The following ALKBH3 variants were observed in gnomAD, a reference collection of about 807,000 sequenced individuals.
ALKBH3 encodes the protein alkB homolog 3, alpha-ketoglutarate dependent dioxygenase, also known as alpha-ketoglutarate-dependent dioxygenase alkB homolog 3.
In ALKBH3, 51 loss-of-function variants were observed where a neutral mutation model predicts 43.9. That is an observed-to-expected ratio of 1.16 (90% CI 0.93 to 1.47). The LOEUF is 1.47. ALKBH3 is among the 40% of genes most tolerant of loss of function. ALKBH3 has a pLI of 0.00. For synonymous variants in ALKBH3, 102 were observed against 115.2 expected, an observed-to-expected ratio of 0.89 and a Z score of 0.73; for missense variants, 361 against 351.9, an observed-to-expected ratio of 1.03 and a Z score of -0.21.
chr11:43,893,410 G>A (rs1951797357), intron 7 of ALKBH3, among the ~76,000 whole-genome samples: 1 of 152,206 alleles, frequency 6.6e-6, no homozygotes, highest in Non-Finnish European at 1.5e-5. Flanking sequence ...CACAGGATCT[G>A]CTGAGTAAAG....
rs1565127137 is a variant in ALKBH3, at chr11:43,902,401, T to C, written c.669+676T>C. Among the ~76,000 whole-genome samples the C allele has an allele frequency of 2.0e-5, 3 of 152,360 alleles. No individual in the cohort carries two copies. In the East Asian group the frequency reaches 5.8e-4, roughly 29 times the overall value. ...CCTCAATTATGTGACATTTGAGGAA[T>C]ACTAGGGTTATTAATTTTTTAAAAA... is the stretch of plus-strand genomic sequence containing the variant. On this transcript the variant is annotated intron_variant, in intron 8 of 9. Transcript: ENST00000302708.
chr11:43,897,302 C>G, intron 7 of ALKBH3: 1 of 606,106 alleles, frequency 1.6e-6, no homozygotes. Flanking sequence ...CATCCCAGGC[C>G]CAGCCATTCT....
intron 8 of ALKBH3, among the ~76,000 whole-genome samples, chr11:43,912,053 G>A (rs1343272635): frequency 6.6e-6 from 1 of 152,148 alleles, no homozygotes; most frequent in African/African-American, 2.4e-5. Flanking sequence ...AACCTGGGAG[G>A]CAGAGGTTGC....
chr11:43,894,006 A>G (rs1951801674), intron 7 of ALKBH3, among the ~76,000 whole-genome samples: 1 of 151,868 alleles, frequency 6.6e-6, no homozygotes, highest in South Asian at 2.1e-4. Context: ...CCACACCCCG[A>G]CCTCTCAGAA....
intron 7 of ALKBH3, among the ~76,000 whole-genome samples, chr11:43,896,067 C>G (rs1025246102): frequency 1.3e-5 from 2 of 152,016 alleles, no homozygotes; most frequent in African/African-American, 4.8e-5. Flanking sequence ...ACGGGCAGAC[C>G]GACTGTGGTT....
At chr11:43,898,466 TG>T in intron 7 of ALKBH3, 4 of 919,180 alleles carry the variant, frequency 4.4e-6, no homozygotes, top group Non-Finnish European at 5.4e-6. Context: ...ATGCTCAGGC[TG>T]GGGCAGATGG....
In ALKBH3 at chr11:43,898,933, A is replaced by G. The variant is rs191646185; in HGVS notation, c.460-2583A>G. On this transcript the variant is annotated intron_variant, in intron 7 of 9. Transcript: ENST00000302708. The stretch of plus-strand genomic sequence containing the variant: ...GTGCCAGAGGGTGGACTGGTCCCCA[A>G]ATCTCTCTACTGGACCATGGAGGAG... The G allele has an allele frequency of 2.3e-4, 169 of 746,544 alleles. 1 individual carries two copies. The highest frequency in any genetic ancestry group is 9.6e-4 in the African/African-American group (56 of 58,368). The allele number at this position is 746,544 out of a possible 1,614,324, so 46.2% of individuals were successfully genotyped here.
chr11:43,902,275 C>G (rs916162988), intron 8 of ALKBH3, among the ~76,000 whole-genome samples: 3 of 152,076 alleles, frequency 2.0e-5, no homozygotes, highest in Non-Finnish European at 4.4e-5. Flanking sequence ...GAAACTCAAG[C>G]CAGATTATCA....
At chr11:43,904,545 A>G (rs1185706672) in intron 8 of ALKBH3, among the ~76,000 whole-genome samples, 1 of 152,170 alleles carries the variant, frequency 6.6e-6, no homozygotes, top group African/African-American at 2.4e-5. Context: ...ACAGGATACA[A>G]GTTTAAACTT....
At chr11:43,895,064 A>T (rs567775114) in intron 7 of ALKBH3, among the ~76,000 whole-genome samples, 1 of 152,168 alleles carries the variant, frequency 6.6e-6, no homozygotes, top group East Asian at 1.9e-4. Flanking sequence ...ATCTTTAACC[A>T]TGGTTTTCAC....
intron 8 of ALKBH3, among the ~76,000 whole-genome samples, chr11:43,913,166 C>T (rs1322168024): frequency 6.7e-6 from 1 of 148,826 alleles, no homozygotes; most frequent in Non-Finnish European, 1.5e-5. Flanking sequence ...AAATATACTT[C>T]ATGTGTACAG....
chr11:43,903,668 C>G (rs1230819867), intron 8 of ALKBH3, among the ~76,000 whole-genome samples: 1 of 152,168 alleles, frequency 6.6e-6, no homozygotes, highest in Admixed American at 6.5e-5. Flanking sequence ...GTTCTTCACA[C>G]TTACTTTCTT....
intron 8 of ALKBH3, among the ~76,000 whole-genome samples, chr11:43,915,288 A>G (rs1951974726): frequency 6.6e-6 from 1 of 151,768 alleles, no homozygotes; most frequent in Non-Finnish European, 1.5e-5. Context: ...TTTCTCCCCT[A>G]ATTGTTTTTC....
chr11:43,882,357 T>G (rs1951717852), intron 1 of ALKBH3, among the ~76,000 whole-genome samples: 4 of 152,186 alleles, frequency 2.6e-5, no homozygotes, highest in Admixed American at 2.6e-4. Flanking sequence ...TGCACTTTCT[T>G]GTGAAAGAAA....
At chr11:43,902,193 A>G (rs1565127083) in intron 8 of ALKBH3, among the ~76,000 whole-genome samples, 1 of 152,274 alleles carries the variant, frequency 6.6e-6, no homozygotes, top group East Asian at 1.9e-4. Flanking sequence ...TCTGAAAGGG[A>G]GCATTCACAT....
chr11:43,886,520 T>G (rs1479733029), intron 4 of ALKBH3, 86 bp from the exon 5 acceptor site: 1 of 1,353,058 alleles, frequency 7.4e-7, no homozygotes, highest in Middle Eastern at 1.8e-4. Context: ...GCCAGGACTT[T>G]GGCAGTTCAG....
intron 7 of ALKBH3, among the ~76,000 whole-genome samples, chr11:43,896,793 A>G (rs1489765976): frequency 6.6e-6 from 1 of 152,216 alleles, no homozygotes; most frequent in Non-Finnish European, 1.5e-5. Context: ...TTATAATGAA[A>G]TGTGTCAGCA....
chr11:43,882,125 T>C (rs940060144), intron 1 of ALKBH3, among the ~76,000 whole-genome samples: 1 of 152,200 alleles, frequency 6.6e-6, no homozygotes, highest in African/African-American at 2.4e-5. Flanking sequence ...CCATCCTAAA[T>C]CAGATTTTCT....
At chr11:43,904,703 C>A (rs1174724962) in intron 8 of ALKBH3, among the ~76,000 whole-genome samples, 1 of 152,084 alleles carries the variant, frequency 6.6e-6, no homozygotes, top group Admixed American at 6.6e-5. Flanking sequence ...TATAAATAAT[C>A]CTTTTTTCCA....
Sources: gnomAD v4.1 joint callset for allele counts (sites outside exome capture counted in the v4.1 genomes callset) on GRCh38, gnomAD v4.1.1 for gene constraint, MANE v1.5 for transcripts, NCBI Gene and HGNC (gene_info 2026-07-23, HGNC 2026-07-21) for gene names.